The following XRN1 variants were observed in gnomAD, a reference collection of about 807,000 sequenced individuals.
The protein encoded by XRN1 is strand-exchange protein 1 homolog.
In XRN1, 67 loss-of-function variants were observed where a neutral mutation model predicts 222.3. The observed-to-expected ratio is 0.30, with a 90% confidence interval of 0.25 to 0.37. The LOEUF (loss-of-function observed/expected upper bound fraction) is 0.37, where lower values mean the gene tolerates loss of function less well. Among genes scored for constraint, XRN1 ranks in the 10% least tolerant of loss-of-function variants. XRN1 has a pLI of 1.00. For missense variants in XRN1, 1,707 were observed against 2,000.2 expected, an observed-to-expected ratio of 0.85 and a Z score of 2.80; for synonymous variants, 643 against 652.4, an observed-to-expected ratio of 0.99 and a Z score of 0.22.
chr3:142,313,641 G>A (rs9289647), intron 39 of XRN1, among the ~76,000 whole-genome samples: 96,759 of 152,172 alleles, frequency 0.64, 32,751 homozygotes, highest in African/African-American at 0.89. Flanking sequence ...ACACTTTTAG[G>A]TTAGGAGAGA....
intron 39 of XRN1, among the ~76,000 whole-genome samples, chr3:142,314,671 G>A (rs534380849): frequency 1.4e-4 from 21 of 151,796 alleles, no homozygotes; most frequent in South Asian, 6.2e-4. Flanking sequence ...TTGGGATGCC[G>A]AGGCTGGCGG....
chr3:142,314,951 G>GTTTT (rs1204432176), intron 39 of XRN1, among the ~76,000 whole-genome samples: 3 of 88,622 alleles, frequency 3.4e-5, no homozygotes, highest in African/African-American at 8.8e-5. Context: ...TCTGTCGTCT[G>GTTTT]TTTTTTTTTT....
rs2065745353 is a variant in XRN1, at chr3:142,332,991, A to G, written c.4038T>C (p.His1346=). ...SHHGEPPSEE[H]LSPQSFAMKG... The stretch of plus-strand genomic sequence containing the variant: ...CCATGGCAAATGACTGTGGTGACAA[A>G]TGCTCTTCACTTGGAGGCTCCCCAT... The change falls in exon 35 of 41, where the codon CAT becomes CAC. Residue 1346 remains histidine, a synonymous_variant. Coordinates refer to ENST00000392981, the MANE Select transcript of XRN1 (RefSeq NM_001282857.2). The G allele has an allele frequency of 6.2e-7, 1 of 1,613,782 alleles. No individual in the cohort carries two copies. Among genetic ancestry groups the G allele is most frequent in the East Asian group, 2.2e-5 (1 of 44,826 alleles).
At chr3:142,397,544 T>C in intron 19 of XRN1, 84 bp from the exon 20 acceptor site, 1 of 1,183,168 alleles carries the variant, frequency 8.5e-7, no homozygotes. Flanking sequence ...CCAAATGAAA[T>C]ATTTTTTTCA....
At chr3:142,372,457 T>C (rs2067016421) in intron 25 of XRN1, among the ~76,000 whole-genome samples, 1 of 152,058 alleles carries the variant, frequency 6.6e-6, no homozygotes, top group Non-Finnish European at 1.5e-5. Flanking sequence ...TGTGACCAAT[T>C]CTCAATGAAT....
intron 15 of XRN1, among the ~76,000 whole-genome samples, chr3:142,411,889 T>G (rs2108064240): frequency 6.6e-6 from 1 of 151,570 alleles, no homozygotes; most frequent in South Asian, 2.1e-4. Context: ...TGGCGCGATC[T>G]CGGTTCACTG....
chr3:142,441,614 A>G (rs1305703915), intron 1 of XRN1, among the ~76,000 whole-genome samples: 1 of 152,166 alleles, frequency 6.6e-6, no homozygotes, highest in Non-Finnish European at 1.5e-5. Context: ...AATACAGGGA[A>G]GAGATCTTAC....
intron 20 of XRN1, among the ~76,000 whole-genome samples, chr3:142,387,924 C>G (rs907330739): frequency 6.6e-6 from 1 of 152,230 alleles, no homozygotes; most frequent in East Asian, 1.9e-4. Flanking sequence ...GATCTGTACA[C>G]GCCTGTTCCT....
At chr3:142,431,884 TTATATATAATATATATATTATATATATA>T (rs1217638915) in intron 2 of XRN1, among the ~76,000 whole-genome samples, 8,326 of 62,348 alleles carry the variant, frequency 0.13, 967 homozygotes, top group Middle Eastern at 0.16. Flanking sequence ...ATTATATATA[TTATATATAATATATATATTATATATATA>T]AATATATATA....
In XRN1 at chr3:142,418,543, G is replaced by T. The variant is rs1202900525; in HGVS notation, c.1307C>A (p.Thr436Lys). Reference protein sequence around the residue: ...FETEFRQYKRTYYMTKMGVDV... With the variant: ...FETEFRQYKRKYYMTKMGVDV... Reference sequence around the variant, plus strand: ...AACCCCCATCTTCGTCATGTAATATGTTCTTTTATATTGTCTAAACTCAGT... The same window carrying T: ...AACCCCCATCTTCGTCATGTAATATTTTCTTTTATATTGTCTAAACTCAGT... Residue 436 changes from threonine (T) to lysine (K), a missense_variant, in exon 12 of 41, where the codon ACA becomes AAA. Physicochemically the swap from Thr to Lys is moderately conservative, Grantham distance 78. This residue lies in a region of XRN1 where 1,234 missense variants were observed against 1,518.2 expected (regional missense o/e 0.81). Coordinates refer to ENST00000392981, the MANE Select transcript of XRN1 (RefSeq NM_001282857.2). 6.2e-7 allele frequency: 1 copy of T among 1,611,870 alleles called. No homozygotes were observed. Among genetic ancestry groups the T allele is most frequent in the Non-Finnish European group, 8.5e-7 (1 of 1,179,278 alleles).
At chr3:142,370,174 A>G (rs1325158729) in intron 27 of XRN1, among the ~76,000 whole-genome samples, 1 of 152,172 alleles carries the variant, frequency 6.6e-6, no homozygotes, top group Non-Finnish European at 1.5e-5. Flanking sequence ...GAAACACTAC[A>G]AGGGCATAAA....
chr3:142,320,800 T>A (rs935498344), intron 37 of XRN1, among the ~76,000 whole-genome samples: 4 of 152,174 alleles, frequency 2.6e-5, no homozygotes, highest in Non-Finnish European at 4.4e-5. Context: ...TTCACTCTTG[T>A]TATTGTCTTT....
chr3:142,356,404 T>C (rs1034431952), intron 31 of XRN1, among the ~76,000 whole-genome samples: 1 of 152,128 alleles, frequency 6.6e-6, no homozygotes, highest in Non-Finnish European at 1.5e-5. Context: ...TTAATAAGCA[T>C]GAGATTTGGG....
chr3:142,319,540 T>G (rs535723192), intron 37 of XRN1, among the ~76,000 whole-genome samples: 3 of 152,168 alleles, frequency 2.0e-5, no homozygotes. Flanking sequence ...TTTTAAAAAA[T>G]AGATTTGGGA....
At chr3:142,376,443 T>A (rs969285191) in intron 24 of XRN1, 36 bp downstream of exon 24, 1 of 1,438,986 alleles carries the variant, frequency 6.9e-7, no homozygotes, top group Non-Finnish European at 9.7e-7. Flanking sequence ...TTAATTTTTC[T>A]GCCACTTTAA....
intron 15 of XRN1, among the ~76,000 whole-genome samples, chr3:142,408,938 C>T (rs370846945): frequency 5.3e-5 from 8 of 152,204 alleles, no homozygotes; most frequent in African/African-American, 1.9e-4. Context: ...TTTACATTTA[C>T]CTGATGCCTA....
chr3:142,427,038 G>T (rs1286555739), intron 2 of XRN1, among the ~76,000 whole-genome samples, 197 bp from the exon 3 acceptor site: 1 of 152,130 alleles, frequency 6.6e-6, no homozygotes. Context: ...TTAAAGAATT[G>T]AATTTTTCAG....
At chr3:142,416,895 G>A (rs889724304) in intron 13 of XRN1, among the ~76,000 whole-genome samples, 3 of 151,782 alleles carry the variant, frequency 2.0e-5, no homozygotes, top group African/African-American at 7.3e-5. Flanking sequence ...AGCTGGCCGT[G>A]GTGGCGCATG....
intron 19 of XRN1, among the ~76,000 whole-genome samples, chr3:142,398,017 G>C (rs74778193): frequency 0.016 from 2,423 of 152,200 alleles, 58 homozygotes; most frequent in African/African-American, 0.056. Context: ...TGAGATGTGA[G>C]GATTACTTGA....
Sources: allele counts gnomAD v4.1 joint callset (sites outside exome capture counted in the v4.1 genomes callset), GRCh38; gene constraint gnomAD v4.1.1; regional missense constraint gnomAD v4.1.1; transcripts MANE v1.5; gene names NCBI Gene and HGNC (gene_info 2026-07-23, HGNC 2026-07-21).